The following SDK1 variants were observed in gnomAD, a reference collection of about 807,000 sequenced individuals.
SDK1 encodes sidekick cell adhesion molecule 1, also known as protein sidekick-1.
SDK1 carries 157 observed loss-of-function variants against 245.5 expected under a neutral mutation model. The observed-to-expected ratio is 0.64, with a 90% CI of 0.56 to 0.73. The LOEUF is 0.73. SDK1 is among the 30% of genes least tolerant of loss of function. SDK1 has a pLI of 0.00. For missense variants in SDK1, 3,583 were observed against 3,002.3 expected (o/e 1.19, Z -4.52); for synonymous variants, 1,647 against 1,278.5 (o/e 1.29, Z -6.15).
At chr7:3,743,724 G>T (rs918940135) in intron 4 of SDK1, among the ~76,000 whole-genome samples, 4 of 152,242 alleles carry the variant, frequency 2.6e-5, no homozygotes, top group African/African-American at 7.2e-5. Context: ...GAGGAAGAGG[G>T]TATATATCAC....
At chr7:4,065,704 T>C (rs942831953) in intron 19 of SDK1, among the ~76,000 whole-genome samples, 1 of 81,260 alleles carries the variant, frequency 1.2e-5, no homozygotes, top group African/African-American at 1.4e-4. Flanking sequence ...GTTTTTTTTT[T>C]TTTTTTTTTT....
intron 11 of SDK1, 44 bp from the exon 12 acceptor site, chr7:3,971,422 C>A: frequency 7.1e-7 from 1 of 1,415,054 alleles, no homozygotes; most frequent in Non-Finnish European, 9.9e-7. Flanking sequence ...CAGAAACTGT[C>A]AAACTTGTCA....
chr7:3,514,882 GCT>G (rs1044158414), intron 1 of SDK1, among the ~76,000 whole-genome samples: 6 of 152,128 alleles, frequency 3.9e-5, no homozygotes, highest in South Asian at 2.1e-4. Flanking sequence ...GCATGCGTGC[GCT>G]CTCTCTCTCT....
chr7:4,226,187 G>A (rs1216986220), intron 40 of SDK1, among the ~76,000 whole-genome samples: 2 of 152,200 alleles, frequency 1.3e-5, no homozygotes, highest in Non-Finnish European at 2.9e-5. Flanking sequence ...GGTGGGGTGT[G>A]GTTTGCTCCA....
intron 10 of SDK1, 124 bp from the exon 11 acceptor site, chr7:3,969,133 C>G (rs1367462013): frequency 1.2e-6 from 1 of 847,812 alleles, no homozygotes; most frequent in East Asian, 2.8e-5. Context: ...GATTGCAATT[C>G]GAGACGAGAC....
intron 22 of SDK1, among the ~76,000 whole-genome samples, chr7:4,108,669 C>T (rs1274045447): frequency 1.3e-5 from 2 of 152,022 alleles, no homozygotes. Flanking sequence ...TTCTTTTTTT[C>T]GTTGAGGTGA....
chr7:4,112,497 G>C (rs1234826275), intron 23 of SDK1, among the ~76,000 whole-genome samples: 1 of 152,188 alleles, frequency 6.6e-6, no homozygotes, highest in Admixed American at 6.5e-5. Flanking sequence ...GAGTGCCGTT[G>C]ATCATTTAAA....
chr7:3,346,379 T>G (rs898027169), intron 1 of SDK1, among the ~76,000 whole-genome samples: 3 of 152,108 alleles, frequency 2.0e-5, no homozygotes, highest in African/African-American at 7.2e-5. Context: ...TTCACTTTCT[T>G]CCTAGGCTTG....
At chr7:3,681,851 C>T (rs372004277) in intron 4 of SDK1, among the ~76,000 whole-genome samples, 8 of 152,032 alleles carry the variant, frequency 5.3e-5, no homozygotes, top group Middle Eastern at 3.2e-3. Context: ...CATTTTTTTC[C>T]GAACCTCTTG....
chr7:3,390,225 C>G (rs1781714051), intron 1 of SDK1, among the ~76,000 whole-genome samples: 2 of 152,156 alleles, frequency 1.3e-5, no homozygotes, highest in South Asian at 4.1e-4. Context: ...TCCAGGGTGC[C>G]CTTTCTGACA....
In SDK1 at chr7:3,619,073, A is replaced by G. The variant is rs377042737; in HGVS notation, c.299-7A>G. 22 of 1,560,196 alleles carry G rather than the reference A, an allele frequency of 1.4e-5. No homozygotes were observed. In the African/African-American group the frequency reaches 2.2e-4, roughly 15 times the overall value. On this transcript the variant is annotated splice_polypyrimidine_tract_variant and splice_region_variant and intron_variant, in intron 1 of 44. Transcript: ENST00000404826. ...GTTTTGTTTTGTTTTGTTTTTTAAT[A>G]TTTCAGATGATGTTGCTCCATATTT...
At chr7:3,419,176 A>G (rs1779465602) in intron 1 of SDK1, among the ~76,000 whole-genome samples, 1 of 152,216 alleles carries the variant, frequency 6.6e-6, no homozygotes, top group Non-Finnish European at 1.5e-5. Context: ...TTTGCAGCAA[A>G]TCCTGTAAGG....
intron 1 of SDK1, among the ~76,000 whole-genome samples, chr7:3,407,358 C>G (rs1378644205): frequency 6.6e-6 from 1 of 152,178 alleles, no homozygotes; most frequent in East Asian, 1.9e-4. Flanking sequence ...TGATGCTAGC[C>G]TTCATGGCAT....
chr7:3,830,770 T>C (rs1028140417), intron 5 of SDK1, among the ~76,000 whole-genome samples: 3 of 152,206 alleles, frequency 2.0e-5, no homozygotes, highest in African/African-American at 7.2e-5. Flanking sequence ...GTGCTGGGAT[T>C]ACAAGAGTGA....
chr7:3,321,777 T>TC (rs1554257332), intron 1 of SDK1, among the ~76,000 whole-genome samples: 19 of 35,992 alleles, frequency 5.3e-4, no homozygotes, highest in Non-Finnish European at 5.5e-4. Flanking sequence ...CTTCCTTCCT[T>TC]CTCCTTCCTT....
At chr7:3,673,319 C>G (rs1169582879) in intron 4 of SDK1, among the ~76,000 whole-genome samples, 3 of 152,110 alleles carry the variant, frequency 2.0e-5, no homozygotes, top group Non-Finnish European at 2.9e-5. Flanking sequence ...ACGGAAAGAT[C>G]GGAGAGCTAG....
intron 1 of SDK1, among the ~76,000 whole-genome samples, chr7:3,471,732 T>C (rs1781189761): frequency 6.6e-6 from 1 of 152,202 alleles, no homozygotes; most frequent in South Asian, 2.1e-4. Flanking sequence ...ATACTGCTTT[T>C]CTTAGCCAAG....
At chr7:4,045,497 C>T (rs569910185) in intron 17 of SDK1, among the ~76,000 whole-genome samples, 11 of 152,132 alleles carry the variant, frequency 7.2e-5, no homozygotes, top group South Asian at 2.1e-4. Context: ...CCTCCCACCT[C>T]GGCCTCCCAA....
At chr7:3,799,478 G>C (rs1045084978) in intron 4 of SDK1, among the ~76,000 whole-genome samples, 3 of 151,874 alleles carry the variant, frequency 2.0e-5, no homozygotes, top group African/African-American at 7.3e-5. Context: ...GCCGAGGCAG[G>C]TGGATCACGA....
Sources: gnomAD v4.1 joint callset for allele counts (sites outside exome capture counted in the v4.1 genomes callset) on GRCh38, gnomAD v4.1.1 for gene constraint, MANE v1.5 for transcripts, NCBI Gene and HGNC (gene_info 2026-07-23, HGNC 2026-07-21) for gene names.